The following ERCC8 variants were observed in gnomAD, a reference collection of about 807,000 sequenced individuals.
The protein encoded by ERCC8 is ERCC excision repair 8, CSA ubiquitin ligase complex subunit.
A neutral mutation model predicts 54.9 loss-of-function variants in ERCC8; 52 were observed. The observed-to-expected ratio is 0.95, with a 90% CI of 0.76 to 1.19. The LOEUF (loss-of-function observed/expected upper bound fraction) is 1.19. ERCC8 is among the 50% of genes most tolerant of loss of function. The pLI, the probability that ERCC8 is intolerant of heterozygous loss-of-function variation, is 0.00. For missense variants in ERCC8, 514 were observed against 466.1 expected (o/e 1.10, Z -0.95); for synonymous variants, 146 against 157.2 (o/e 0.93, Z 0.53).
At chr5:60,884,523 G>GTTTTTTTTTTTTTTTTTTTTTTT in intron 11 of ERCC8, among the ~76,000 whole-genome samples, 1 of 128,128 alleles carries the variant, frequency 7.8e-6, no homozygotes, top group African/African-American at 2.9e-5. Flanking sequence ...GTGTGTATGT[G>GTTTTTTTTTTTTTTTTTTTTTTT]TTTTTTTTTT....
Position 60,891,788 on chromosome 5 carries a change from AACAGTGGGAGG to A in ERCC8, c.844-713_844-703del, listed in dbSNP as rs1748569017. On this transcript the variant is annotated intron_variant, in intron 9 of 11. Transcript: ENST00000676185. Reference sequence around the variant, plus strand: ...TCTTTTTCCTGGAGAGAGTGGAGAGAACAGTGGGAGGCAAAGACACATAGTTGGGGAAGGGT... The same window carrying A: ...TCTTTTTCCTGGAGAGAGTGGAGAGACAAAGACACATAGTTGGGGAAGGGT... 2.0e-5 allele frequency: 6 copies of A among 292,802 alleles called. No homozygotes were observed. The South Asian group carries it at 2.1e-4, about 10-fold the overall frequency. 18.1% of individuals were successfully genotyped at this position (292,802 alleles called of 1,614,324 possible).
chr5:60,895,201 T>C (rs1198760371), intron 9 of ERCC8, among the ~76,000 whole-genome samples: 1 of 151,820 alleles, frequency 6.6e-6, no homozygotes, highest in African/African-American at 2.4e-5. Context: ...GGATTCACTT[T>C]TTTTTCTATA....
Position 60,869,166 on chromosome 5 carries a change from T to C in ERCC8, c.*5449A>G, listed in dbSNP as rs774622814. 1.3e-5 allele frequency among the ~76,000 whole-genome samples: 2 copies of C among 152,206 alleles called. No individual in the cohort carries two copies. Among genetic ancestry groups the C allele is most frequent in the Admixed American group, 6.5e-5 (1 of 15,278 alleles). ...AGAAACGTCTTTAGCTTCTCTAGTC[T>C]TCAGTAGTTATATCATTTTTATAGA... On this transcript the variant is annotated 3_prime_UTR_variant, in exon 12 of 12. Coordinates refer to ENST00000676185, the MANE Select transcript of ERCC8 (RefSeq NM_000082.4).
At chr5:60,887,244 G>A (rs1748421517) in intron 11 of ERCC8, among the ~76,000 whole-genome samples, 196 bp downstream of exon 11, 1 of 151,986 alleles carries the variant, frequency 6.6e-6, no homozygotes, top group South Asian at 2.1e-4. Context: ...TCTGAGATGG[G>A]GTCTCACTAC....
intron 3 of ERCC8, among the ~76,000 whole-genome samples, chr5:60,921,090 T>C (rs1365534876): frequency 1.3e-5 from 2 of 151,906 alleles, no homozygotes; most frequent in Non-Finnish European, 2.9e-5. Context: ...TTTAAAAAGA[T>C]AGTATTTCAT....
chr5:60,877,681 T>C (rs2112456843), intron 11 of ERCC8, among the ~76,000 whole-genome samples: 1 of 152,306 alleles, frequency 6.6e-6, no homozygotes, highest in South Asian at 2.1e-4. Flanking sequence ...TTGTCTGTTA[T>C]TGGTGTATAA....
chr5:60,936,710 C>T (rs1820082), intron 1 of ERCC8, among the ~76,000 whole-genome samples: 132,896 of 152,150 alleles, frequency 0.87, 58,332 homozygotes, highest in East Asian at 0.95. Flanking sequence ...GAGGTTTTGA[C>T]AGGTTGTGTC....
At position 60,873,482 on chromosome 5, in the gene ERCC8, C is replaced by T. The variant is rs1367713452; in HGVS notation, c.*1133G>A. Among the ~76,000 whole-genome samples the T allele has an allele frequency of 6.6e-6, 1 of 152,074 alleles. No individual in the cohort carries two copies. Among genetic ancestry groups the T allele is most frequent in the African/African-American group, 2.4e-5 (1 of 41,402 alleles). The stretch of plus-strand genomic sequence containing the variant: ...TTGAGGTCAGCAGTTCGCAACCAGC[C>T]TGGCCAACATGGTGAAACCCCATCT... On this transcript the variant is annotated 3_prime_UTR_variant, in exon 12 of 12. Coordinates refer to ENST00000676185, the MANE Select transcript of ERCC8 (RefSeq NM_000082.4).
At chr5:60,927,104 A>C (rs1463675263) in intron 2 of ERCC8, among the ~76,000 whole-genome samples, 6 of 152,248 alleles carry the variant, frequency 3.9e-5, no homozygotes, top group Admixed American at 2.0e-4. Flanking sequence ...TTCAAGCTTC[A>C]CAGAGTGATA....
chr5:60,881,579 C>G lies in ERCC8; in HGVS notation c.1122+5861G>C, dbSNP rs934531841. ...CAATGGCGGGCGCCCCTCCCCCAGC[C>G]TGGCTGCCGCCTTGCAGTTTGATCT... On this transcript the variant is annotated intron_variant, in intron 11 of 11. Transcript: ENST00000676185. 9.8e-5 allele frequency among the ~76,000 whole-genome samples: 15 copies of G among 152,388 alleles called. No individual in the cohort carries two copies. The East Asian group carries it at 2.9e-3, about 29-fold the overall frequency.
intron 11 of ERCC8, among the ~76,000 whole-genome samples, chr5:60,884,227 C>G (rs1038146329): frequency 1.3e-5 from 2 of 152,010 alleles, no homozygotes; most frequent in East Asian, 3.9e-4. Context: ...AGCCTGTAAT[C>G]CCAGGACTTT....
At chr5:60,893,353 C>G in intron 9 of ERCC8, 1 of 848,750 alleles carries the variant, frequency 1.2e-6, no homozygotes, top group Non-Finnish European at 2.1e-6. Context: ...TCTTGATAGA[C>G]CTGCGTTTTT....
chr5:60,939,121 G>A (rs1750179879), intron 1 of ERCC8, among the ~76,000 whole-genome samples: 2 of 152,000 alleles, frequency 1.3e-5, no homozygotes, highest in African/African-American at 2.4e-5. Flanking sequence ...TTTACTTAAT[G>A]TCATGGTTTC....
chr5:60,932,469 C>T (rs992023439), intron 1 of ERCC8, among the ~76,000 whole-genome samples: 6 of 152,098 alleles, frequency 3.9e-5, no homozygotes, highest in South Asian at 4.1e-4. Flanking sequence ...CCTTTATGAA[C>T]GGTACCCAGT....
At chr5:60,913,256 GC>G (rs1364586774) in intron 4 of ERCC8, among the ~76,000 whole-genome samples, 1 of 152,018 alleles carries the variant, frequency 6.6e-6, no homozygotes, top group Non-Finnish European at 1.5e-5. Flanking sequence ...ATTAATTATT[GC>G]CTCTATTTCA....
At chr5:60,919,084 T>C (rs980957119) in intron 3 of ERCC8, among the ~76,000 whole-genome samples, 1 of 152,026 alleles carries the variant, frequency 6.6e-6, no homozygotes, top group Non-Finnish European at 1.5e-5. Context: ...GAGAGATTTA[T>C]GAGACGAAGA....
At chr5:60,903,542 A>G in intron 6 of ERCC8, 106 bp downstream of exon 6, 1 of 1,558,118 alleles carries the variant, frequency 6.4e-7, no homozygotes, top group South Asian at 1.2e-5. Flanking sequence ...CAACCAGCAC[A>G]AAGTACATTA....
At chr5:60,944,808 A>T in intron 1 of ERCC8, 124 bp downstream of exon 1, 1 of 629,166 alleles carries the variant, frequency 1.6e-6, no homozygotes. Context: ...GCCACACAGC[A>T]TTAGAGGGCA....
At position 60,870,367 on chromosome 5, in the gene ERCC8, G is replaced by A. The variant is rs146191650; in HGVS notation, c.*4248C>T. Among the ~76,000 whole-genome samples the A allele has an allele frequency of 2.4e-3, 370 of 151,672 alleles. 3 individuals are homozygous for A. The highest frequency in any genetic ancestry group is 8.8e-3 in the African/African-American group (363 of 41,310). ...TGAAAGAGAAGTCGAAGTCAGGCCC[G>A]GCACGGTGGCTCACGCCTGTAAATC... On this transcript the variant is annotated 3_prime_UTR_variant, in exon 12 of 12. Transcript: ENST00000676185.
Sources: gnomAD v4.1 joint callset for allele counts (sites outside exome capture counted in the v4.1 genomes callset) on GRCh38, gnomAD v4.1.1 for gene constraint, MANE v1.5 for transcripts, NCBI Gene and HGNC (gene_info 2026-07-23, HGNC 2026-07-21) for gene names.